The following ELP4 variants were observed in gnomAD, a reference collection of about 807,000 sequenced individuals.
The protein encoded by ELP4 is elongator complex protein 4.
ELP4 carries 51 observed loss-of-function variants against 48.9 expected under a neutral mutation model. The observed-to-expected ratio is 1.04, with a 90% confidence interval of 0.83 to 1.32. The LOEUF is 1.32. ELP4 is among the 40% of genes most tolerant of loss of function. The pLI is 0.00. For missense variants in ELP4, 519 were observed against 514.6 expected (o/e 1.01, Z -0.08); for synonymous variants, 210 against 189.2 (o/e 1.11, Z -0.90).
rs944472401 is a variant in ELP4, at chr11:31,577,968, T to G, written c.382-16802T>G. Among the ~76,000 whole-genome samples, 5 of 152,128 alleles carry G rather than the reference T, an allele frequency of 3.3e-5. No individual in the cohort carries two copies. In the East Asian group the frequency reaches 5.8e-4, roughly 18 times the overall value. ...AGGGCAGTCAGGCAAGAGAAAGAAA[T>G]AAAGTGTGTTTAATTAGAAAAAGAG... On this transcript the variant is annotated intron_variant, in intron 3 of 9. Coordinates refer to ENST00000640961, the MANE Select transcript of ELP4 (RefSeq NM_019040.5).
chr11:31,568,914 G>A (rs776188841), intron 3 of ELP4, among the ~76,000 whole-genome samples: 3 of 151,658 alleles, frequency 2.0e-5, no homozygotes, highest in Non-Finnish European at 2.9e-5. Context: ...GTGAAACCCC[G>A]TCTCTACTGA....
intron 9 of ELP4, among the ~76,000 whole-genome samples, chr11:31,709,931 C>T (rs1484249468): frequency 6.6e-6 from 1 of 152,276 alleles, no homozygotes; most frequent in East Asian, 1.9e-4. Context: ...CTTCTCTGAT[C>T]ATGCTATTAT....
intron 9 of ELP4, among the ~76,000 whole-genome samples, chr11:31,730,400 CA>C (rs1158870663): frequency 6.6e-6 from 1 of 152,156 alleles, no homozygotes; most frequent in Non-Finnish European, 1.5e-5. Context: ...GGCAAGCCTT[CA>C]TGACTTAATC....
At position 31,735,580 on chromosome 11, in the gene ELP4, C is replaced by T. The variant is rs1017350136; in HGVS notation, c.1144-47813C>T. On this transcript the variant is annotated intron_variant, in intron 9 of 9. Transcript: ENST00000640961. ...TGATTGTATATCTAGAAAACCCCAT[C>T]GTCTCAGCCCAAAATCTCCTTAAGC... is the stretch of plus-strand genomic sequence containing the variant. 2.6e-5 allele frequency among the ~76,000 whole-genome samples: 4 copies of T among 152,174 alleles called. No individual in the cohort carries two copies. In the East Asian group the frequency reaches 5.8e-4, roughly 22 times the overall value.
intron 9 of ELP4, chr11:31,651,686 A>G (rs768060805): frequency 1.3e-5 from 2 of 151,668 alleles, no homozygotes; most frequent in Non-Finnish European, 3.0e-5. Context: ...TTGAGTTTAC[A>G]TTTTTAATGG....
At position 31,539,651 on chromosome 11, in the gene ELP4, C is replaced by A; in HGVS notation, c.260-11C>A. 6.3e-7 allele frequency: 1 copy of A among 1,591,448 alleles called. No homozygotes were observed. The highest frequency in any genetic ancestry group is 1.3e-5 in the African/African-American group (1 of 74,116). On this transcript the variant is annotated splice_polypyrimidine_tract_variant and intron_variant, in intron 2 of 9. Coordinates refer to ENST00000640961, the MANE Select transcript of ELP4 (RefSeq NM_019040.5). Reference sequence around the variant, plus strand: ...CTATATGTTTCTAACTGCAACTTTTCCTTTTTACAGAGGAGGATAAATATA... The same window carrying A: ...CTATATGTTTCTAACTGCAACTTTTACTTTTTACAGAGGAGGATAAATATA...
Position 31,716,907 on chromosome 11 carries a change from A to G in ELP4, c.1144-66486A>G, listed in dbSNP as rs576375890. 1.8e-3 allele frequency among the ~76,000 whole-genome samples: 273 copies of G among 152,372 alleles called. 1 individual carries two copies. Among genetic ancestry groups the G allele is most frequent in the African/African-American group, 6.3e-3 (264 of 41,598 alleles). On this transcript the variant is annotated intron_variant, in intron 9 of 9. Coordinates refer to ENST00000640961, the MANE Select transcript of ELP4 (RefSeq NM_019040.5). ...GAGAAAAGAGAAATCTTTATGGATC[A>G]TATTATACATTACTAGAAAAAGTAG... is the stretch of plus-strand genomic sequence containing the variant.
intron 1 of ELP4, among the ~76,000 whole-genome samples, chr11:31,513,141 C>A (rs537492280): frequency 2.6e-5 from 4 of 152,062 alleles, no homozygotes; most frequent in African/African-American, 9.7e-5. Flanking sequence ...GCTTGGACTA[C>A]ATATTTAACA....
At chr11:31,577,934 G>T (rs1219540205) in intron 3 of ELP4, among the ~76,000 whole-genome samples, 1 of 152,216 alleles carries the variant, frequency 6.6e-6, no homozygotes, top group Non-Finnish European at 1.5e-5. Context: ...AGTGTTGGAA[G>T]TTCTGGCCAG....
chr11:31,632,113 A>T (rs1264075645), intron 6 of ELP4, 104 bp from the exon 7 acceptor site: 7 of 896,222 alleles, frequency 7.8e-6, no homozygotes, highest in Non-Finnish European at 1.2e-5. Flanking sequence ...ACATCTATTG[A>T]CATTGTCTCC....
In ELP4 at chr11:31,524,820, C is replaced by CA. The variant is rs539287069; in HGVS notation, c.259+4736dup. ...GCAACATGGCAAAACCCTGTTTCTA[C>CA]AAAAAAATACAAAAATTAACTGGGT... On this transcript the variant is annotated intron_variant, in intron 2 of 9. Transcript: ENST00000640961. Among the ~76,000 whole-genome samples the CA allele has an allele frequency of 3.6e-3, 549 of 151,962 alleles. 2 individuals carry two copies. Among genetic ancestry groups the CA allele is most frequent in the African/African-American group, 0.012 (504 of 41,450 alleles).
intron 3 of ELP4, among the ~76,000 whole-genome samples, chr11:31,583,872 C>T (rs558880470): frequency 2.6e-5 from 4 of 152,134 alleles, no homozygotes; most frequent in East Asian, 1.9e-4. Flanking sequence ...TAACTACTTT[C>T]GACTATTAAG....
At chr11:31,560,245 T>C (rs1464373036) in intron 3 of ELP4, among the ~76,000 whole-genome samples, 1 of 152,136 alleles carries the variant, frequency 6.6e-6, no homozygotes, top group Non-Finnish European at 1.5e-5. Flanking sequence ...AGACTACTTC[T>C]TTTCCAAAAA....
At chr11:31,685,880 G>A (rs1374251360) in intron 9 of ELP4, among the ~76,000 whole-genome samples, 3 of 150,322 alleles carry the variant, frequency 2.0e-5, no homozygotes, top group Non-Finnish European at 4.4e-5. Flanking sequence ...ACAGTGATCC[G>A]AGATCACGCC....
intron 3 of ELP4, among the ~76,000 whole-genome samples, chr11:31,546,758 A>G (rs555378338): frequency 3.9e-5 from 6 of 152,096 alleles, no homozygotes. Flanking sequence ...CAGCAAATGT[A>G]AAAGAACAGA....
chr11:31,648,264 A>T (rs369669212), intron 8 of ELP4: 3 of 152,094 alleles, frequency 2.0e-5, no homozygotes, highest in Non-Finnish European at 4.4e-5. Context: ...ACAGATTCCT[A>T]GTCAGTTACA....
At chr11:31,740,131 G>T (rs1480671218) in intron 9 of ELP4, among the ~76,000 whole-genome samples, 1 of 152,190 alleles carries the variant, frequency 6.6e-6, no homozygotes, top group Non-Finnish European at 1.5e-5. Flanking sequence ...ATCTGGTTTG[G>T]CTGTCAGGCC....
At chr11:31,650,054 T>A in intron 8 of ELP4, 61 bp from the exon 9 acceptor site, 1 of 699,780 alleles carries the variant, frequency 1.4e-6, no homozygotes, top group Non-Finnish European at 2.6e-6. Flanking sequence ...TAAGACTGTT[T>A]AATTTATGCA....
Position 31,627,179 on chromosome 11 carries a change from T to C in ELP4, c.723T>C (p.Asp241=), listed in dbSNP as rs200030873. The part of the protein sequence containing the change: ...IQNIIYEEGF[D]GSNPQKKQRN... ...ACATCATTTATGAGGAAGGATTTGA[T>C]GGATCCAATCCTCAGGTATTAAATA... Residue 241 remains aspartate, a synonymous_variant, in exon 6 of 10, where the codon GAT becomes GAC. Coordinates refer to ENST00000640961, the MANE Select transcript of ELP4 (RefSeq NM_019040.5). The C allele has an allele frequency of 5.0e-6, 8 of 1,586,036 alleles. No individual in the cohort carries two copies. In the South Asian group the frequency reaches 9.0e-5, roughly 18 times the overall value.
Sources: allele counts gnomAD v4.1 joint callset (sites outside exome capture counted in the v4.1 genomes callset), GRCh38; gene constraint gnomAD v4.1.1; transcripts MANE v1.5; gene names NCBI Gene and HGNC (gene_info 2026-07-23, HGNC 2026-07-21).